The following TET1 variants were observed in gnomAD, a reference collection of about 807,000 sequenced individuals.
The protein encoded by TET1 is tet methylcytosine dioxygenase 1, also known as methylcytosine dioxygenase TET1.
A neutral mutation model predicts 148.7 loss-of-function variants in TET1; 13 were observed. The observed-to-expected ratio is 0.09, with a 90% confidence interval of 0.06 to 0.14. The LOEUF (loss-of-function observed/expected upper bound fraction) is 0.14, where lower values mean the gene tolerates loss of function less well. Ranked by LOEUF, TET1 falls within the 10% of genes least tolerant of loss-of-function variation. The probability of loss-of-function intolerance (pLI) is 1.00; values close to 1 mark genes in which losing one functional copy is unlikely to be tolerated. For synonymous variants in TET1, 907 were observed against 937.2 expected (o/e 0.97, Z 0.59); for missense variants, 2,182 against 2,553.8 (o/e 0.85, Z 3.14).
intron 3 of TET1, among the ~76,000 whole-genome samples, chr10:68,643,380 A>T (rs1440650190): frequency 2.0e-5 from 3 of 152,276 alleles, no homozygotes; most frequent in African/African-American, 7.2e-5. Flanking sequence ...TAACATTGTT[A>T]TGTATTTAAT....
chr10:68,691,436 C>T lies in TET1; in HGVS notation c.6033C>T (p.Ile2011=), dbSNP rs374115480. The T allele has an allele frequency of 2.1e-5, 34 of 1,614,012 alleles. No homozygotes were observed. In the African/African-American group the frequency reaches 2.1e-4, roughly 10 times the overall value. ...FLDANIGGVA[I]APAHGSVLIE... is the part of the protein sequence containing the mutation. ...ATGCAAATATTGGTGGGGTGGCCAT[C>T]GCACCTGCTCACGGCTCGGTTTTGA... The change falls in exon 12 of 12, where the codon ATC becomes ATT. Residue 2011 remains isoleucine (I), a synonymous_variant. Transcript: ENST00000373644. This position sits in a 1 kb window ranked among gnomAD's most constrained non-coding sequence, Gnocchi z 4.4.
chr10:68,633,067 C>T (rs904427055), intron 3 of TET1, among the ~76,000 whole-genome samples: 20 of 151,836 alleles, frequency 1.3e-4, no homozygotes, highest in African/African-American at 4.1e-4. Context: ...GCCTGTAATC[C>T]CAGCTACTAG....
At chr10:68,569,861 T>C (rs1277247110) in intron 1 of TET1, among the ~76,000 whole-genome samples, 1 of 151,830 alleles carries the variant, frequency 6.6e-6, no homozygotes, top group Non-Finnish European at 1.5e-5. Flanking sequence ...ACCCCATGCT[T>C]ACCTTATTTG....
intron 3 of TET1, among the ~76,000 whole-genome samples, chr10:68,639,114 T>C (rs549087672): frequency 1.3e-5 from 2 of 152,278 alleles, no homozygotes; most frequent in African/African-American, 4.8e-5. Context: ...CATTAATTAA[T>C]GTGAATGTCT....
intron 6 of TET1, among the ~76,000 whole-genome samples, chr10:68,654,024 T>C (rs1253096851): frequency 6.8e-6 from 1 of 146,822 alleles, no homozygotes; most frequent in Non-Finnish European, 1.5e-5. Context: ...GGAGAATCAC[T>C]TGAACCCAGG....
At chr10:68,639,454 C>CTATTATTATTATTAT (rs1252293347) in intron 3 of TET1, among the ~76,000 whole-genome samples, 7 of 139,226 alleles carry the variant, frequency 5.0e-5, no homozygotes, top group African/African-American at 1.8e-4. Flanking sequence ...ATTACTACTA[C>CTATTATTATTATTAT]TACTACTACT....
chr10:68,589,861 G>C (rs1326340134), intron 2 of TET1, among the ~76,000 whole-genome samples: 1 of 151,818 alleles, frequency 6.6e-6, no homozygotes, highest in African/African-American at 2.4e-5. Context: ...TAGCAGAAAT[G>C]GGGCTTCACT....
At position 68,691,345 on chromosome 10, in the gene TET1, C is replaced by T. The variant is rs1437860546; in HGVS notation, c.5942C>T (p.Ser1981Leu). Residue 1981 changes from serine to leucine, a missense_variant, in exon 12 of 12, where the codon TCA (serine) becomes TTA (leucine). Physicochemically the swap from Ser to Leu is moderately radical, Grantham distance 145. Transcript: ENST00000373644. This position sits in a 1 kb window ranked among gnomAD's most constrained non-coding sequence, Gnocchi z 4.4. ...SDEPLSDDPL[S>L]PAEEKLPHID... ...GAACCCCTATCTGATGACCCCCTGTCACCTGCTGAGGAGAAATTGCCCCAC... is the reference window on the plus strand; with the variant it reads ...GAACCCCTATCTGATGACCCCCTGTTACCTGCTGAGGAGAAATTGCCCCAC... 1 of 1,614,234 alleles carries T rather than the reference C, an allele frequency of 6.2e-7. No individual in the cohort carries two copies. The highest frequency in any genetic ancestry group is 1.7e-5 in the Admixed American group (1 of 60,028).
Position 68,694,339 on chromosome 10 carries a change from A to G in TET1, c.*2525A>G, listed in dbSNP as rs1194449650. The stretch of plus-strand genomic sequence containing the variant: ...TCTTTCCTGATTTTAACAATTTACC[A>G]TCCCATTCTCTGCCCTGTGATTTTT... On this transcript the variant is annotated 3_prime_UTR_variant, in exon 12 of 12. Transcript: ENST00000373644. The G allele has an allele frequency of 4.3e-6, 1 of 232,640 alleles. No homozygotes were observed. The highest frequency in any genetic ancestry group is 8.5e-6 in the Non-Finnish European group (1 of 117,786). 14.4% of individuals were successfully genotyped at this position (232,640 alleles called of 1,614,324 possible).
intron 5 of TET1, among the ~76,000 whole-genome samples, chr10:68,652,194 G>A (rs111939847): frequency 6.6e-5 from 10 of 152,138 alleles, no homozygotes; most frequent in East Asian, 1.9e-4. Context: ...TTTATATATC[G>A]CATAATGGTA....
intron 6 of TET1, among the ~76,000 whole-genome samples, chr10:68,657,364 G>A (rs1294827311): frequency 2.0e-5 from 3 of 152,060 alleles, no homozygotes; most frequent in Non-Finnish European, 4.4e-5. Context: ...TTTTAGTAGA[G>A]ACGGGGTTTC....
At chr10:68,617,178 C>G (rs555020579) in intron 3 of TET1, among the ~76,000 whole-genome samples, 1 of 150,280 alleles carries the variant, frequency 6.7e-6, no homozygotes, top group African/African-American at 2.5e-5. Flanking sequence ...CCTGCCACCA[C>G]GCCTGGCTAA....
intron 4 of TET1, 102 bp downstream of exon 4, chr10:68,647,107 C>T (rs36081642): frequency 0.14 from 177,794 of 1,302,818 alleles, 14,596 homozygotes; most frequent in African/African-American, 0.35. Flanking sequence ...TATTTTTTCC[C>T]CATTCTTATT....
intron 6 of TET1, among the ~76,000 whole-genome samples, chr10:68,656,988 G>A (rs1336540930): frequency 5.4e-5 from 8 of 148,942 alleles, no homozygotes; most frequent in African/African-American, 1.5e-4. Context: ...ATGGTGCCAC[G>A]GCACTCCAGC....
intron 7 of TET1, among the ~76,000 whole-genome samples, chr10:68,669,333 CAG>C (rs1028917111): frequency 6.6e-5 from 10 of 151,736 alleles, no homozygotes; most frequent in South Asian, 4.2e-4. Context: ...CTTTTTGAGA[CAG>C]AGTCTCACTC....
At chr10:68,577,840 A>G (rs2053750860) in intron 2 of TET1, among the ~76,000 whole-genome samples, 1 of 152,230 alleles carries the variant, frequency 6.6e-6, no homozygotes, top group South Asian at 2.1e-4. Flanking sequence ...ATATCTGGGT[A>G]TGTTGGCATG....
At chr10:68,671,843 C>T (rs553242055) in intron 7 of TET1, among the ~76,000 whole-genome samples, 33 of 152,000 alleles carry the variant, frequency 2.2e-4, no homozygotes, top group Non-Finnish European at 4.6e-4. Flanking sequence ...TGCCATGGCA[C>T]GATCTCAGCT....
intron 3 of TET1, among the ~76,000 whole-genome samples, chr10:68,641,495 T>C (rs1367241653): frequency 6.8e-6 from 1 of 147,986 alleles, no homozygotes; most frequent in Non-Finnish European, 1.5e-5. Flanking sequence ...TTTATTTATT[T>C]ATTTAATTTT....
rs754280616 is a variant in TET1, at chr10:68,686,346, T to A, written c.5053-10T>A. On this transcript the variant is annotated splice_polypyrimidine_tract_variant and intron_variant, in intron 10 of 11. Transcript: ENST00000373644. ...ATATCTTTCCCATTTCATGTTTTTC[T>A]CCCTATCAGGTTTGTACCTTAACTC... is the stretch of plus-strand genomic sequence containing the variant. 1 of 1,571,548 alleles carries A rather than the reference T, an allele frequency of 6.4e-7. No individual in the cohort carries two copies. The highest frequency in any genetic ancestry group is 1.2e-5 in the South Asian group (1 of 85,434).
Sources: gnomAD v4.1 joint callset for allele counts (sites outside exome capture counted in the v4.1 genomes callset) on GRCh38, gnomAD v4.1.1 for gene constraint, Gnocchi (gnomAD v3.1) non-coding constraint, MANE v1.5 for transcripts, NCBI Gene and HGNC (gene_info 2026-07-23, HGNC 2026-07-21) for gene names.